Variants in FHIP1A observed in about 807,000 individuals in gnomAD.
The protein encoded by FHIP1A is FHF complex subunit HOOK-interacting protein 1A.
FHIP1A carries 61 observed loss-of-function variants against 88.6 expected under a neutral mutation model. That is an observed-to-expected ratio of 0.69 (90% CI 0.56 to 0.85). The LOEUF (loss-of-function observed/expected upper bound fraction) is 0.85. Ranked by LOEUF, FHIP1A falls within the 40% of genes least tolerant of loss-of-function variation. The probability of loss-of-function intolerance (pLI) is 0.00; values close to 1 mark genes in which losing one functional copy is unlikely to be tolerated. For missense variants in FHIP1A, 1,154 were observed against 1,273.5 expected (o/e 0.91, Z 1.43); for synonymous variants, 478 against 496.0 (o/e 0.96, Z 0.48).
At chr4:151,438,532 CAA>C (rs1436606787) in intron 1 of FHIP1A, among the ~76,000 whole-genome samples, 1 of 147,202 alleles carries the variant, frequency 6.8e-6, no homozygotes, top group Non-Finnish European at 1.5e-5. Context: ...CAAAACAAAA[CAA>C]AAAAATCTAC....
At chr4:151,637,593 G>T (rs1171403414) in intron 8 of FHIP1A, among the ~76,000 whole-genome samples, 1 of 152,164 alleles carries the variant, frequency 6.6e-6, no homozygotes, top group Non-Finnish European at 1.5e-5. Flanking sequence ...AACTGAGCTG[G>T]GGAAAGGAAG....
intron 13 of FHIP1A, among the ~76,000 whole-genome samples, chr4:151,660,795 A>G (rs1244336872): frequency 1.3e-5 from 2 of 152,218 alleles, no homozygotes; most frequent in South Asian, 2.1e-4. Flanking sequence ...TTCATTGTGA[A>G]GTTGGTGGCA....
intron 1 of FHIP1A, among the ~76,000 whole-genome samples, chr4:151,440,436 C>G (rs918047992): frequency 2.0e-5 from 3 of 152,254 alleles, no homozygotes; most frequent in Non-Finnish European, 4.4e-5. Context: ...TTTCAATTGT[C>G]TACTGGACAA....
At chr4:151,660,385 C>A (rs1164442316) in intron 13 of FHIP1A, among the ~76,000 whole-genome samples, 1 of 152,008 alleles carries the variant, frequency 6.6e-6, no homozygotes, top group Non-Finnish European at 1.5e-5. Flanking sequence ...TCACAAAACC[C>A]CTTTTTAGGG....
chr4:151,591,396 A>G (rs904692761), intron 7 of FHIP1A, among the ~76,000 whole-genome samples: 3 of 151,780 alleles, frequency 2.0e-5, no homozygotes, highest in Non-Finnish European at 4.4e-5. Flanking sequence ...TGTGTTTCCT[A>G]TACTCCATGT....
chr4:151,553,648 CG>C (rs1174851538), intron 3 of FHIP1A, among the ~76,000 whole-genome samples: 1 of 152,120 alleles, frequency 6.6e-6, no homozygotes, highest in Non-Finnish European at 1.5e-5. Flanking sequence ...GGCTGAAATG[CG>C]AAGTTTCTAG....
At chr4:151,620,629 ATCTACAGG>A (rs1735703952) in intron 7 of FHIP1A, among the ~76,000 whole-genome samples, 1 of 152,190 alleles carries the variant, frequency 6.6e-6, no homozygotes, top group Non-Finnish European at 1.5e-5. Context: ...GGCTGAGTAG[ATCTACAGG>A]TCCTACAGAG....
At chr4:151,505,099 A>G (rs115596884) in intron 3 of FHIP1A, among the ~76,000 whole-genome samples, 59 of 152,264 alleles carry the variant, frequency 3.9e-4, no homozygotes, top group African/African-American at 1.4e-3. Flanking sequence ...GCTCCAGGCT[A>G]TCAATTGTCC....
intron 3 of FHIP1A, among the ~76,000 whole-genome samples, chr4:151,524,755 G>C (rs1447562303): frequency 6.6e-6 from 1 of 152,234 alleles, no homozygotes; most frequent in Non-Finnish European, 1.5e-5. Flanking sequence ...AGCTAAACAT[G>C]AGCAAATTAA....
chr4:151,539,652 T>A (rs929801627), intron 3 of FHIP1A, among the ~76,000 whole-genome samples: 14 of 151,872 alleles, frequency 9.2e-5, no homozygotes, highest in African/African-American at 3.4e-4. Context: ...CCATTCTCTC[T>A]GGAAAGTACA....
chr4:151,516,708 C>G (rs937665371), intron 3 of FHIP1A, among the ~76,000 whole-genome samples: 1 of 152,130 alleles, frequency 6.6e-6, no homozygotes, highest in East Asian at 1.9e-4. Context: ...AAAATGCTCA[C>G]CATTACTGGC....
At chr4:151,555,486 A>G (rs1236451893) in intron 3 of FHIP1A, among the ~76,000 whole-genome samples, 4 of 152,164 alleles carry the variant, frequency 2.6e-5, no homozygotes, top group Non-Finnish European at 5.9e-5. Flanking sequence ...AAACAAGAGT[A>G]TCTGATTTCA....
chr4:151,540,769 CT>C (rs1488571169), intron 3 of FHIP1A, among the ~76,000 whole-genome samples: 1 of 152,136 alleles, frequency 6.6e-6, no homozygotes, highest in Admixed American at 6.5e-5. Context: ...GTGTTTTGCT[CT>C]CCTGAGTCAG....
rs1410245719 is a variant in FHIP1A, at chr4:151,662,492, T to C, written c.2870-9T>C. 6.6e-7 allele frequency: 1 copy of C among 1,514,060 alleles called. No individual in the cohort carries two copies. The allele number at this position is 1,514,060 out of a possible 1,614,324, so 93.8% of individuals were successfully genotyped here. A position where few individuals can be genotyped will look rare whatever the true frequency, so the allele number is the denominator to read the frequency against. The stretch of plus-strand genomic sequence containing the variant: ...AGGGACACCATGATGGTTTTCTTTC[T>C]GCTTTCAGATCCCATTCAGGAGGCT... On this transcript the variant is annotated splice_polypyrimidine_tract_variant and intron_variant, in intron 13 of 13. Coordinates refer to ENST00000435205, the MANE Select transcript of FHIP1A (RefSeq NM_001109977.3).
intron 5 of FHIP1A, among the ~76,000 whole-genome samples, chr4:151,578,988 C>T (rs567508254): frequency 6.6e-6 from 1 of 152,182 alleles, no homozygotes; most frequent in East Asian, 1.9e-4. Flanking sequence ...GTGAAAGAAG[C>T]CAATCTGAAA....
chr4:151,651,445 A>C (rs1737027197), intron 11 of FHIP1A, among the ~76,000 whole-genome samples: 1 of 152,236 alleles, frequency 6.6e-6, no homozygotes, highest in Non-Finnish European at 1.5e-5. Context: ...GTGTTCAGGT[A>C]GCAAGGAGAG....
chr4:151,585,823 C>T (rs1186626364), intron 5 of FHIP1A, among the ~76,000 whole-genome samples: 5 of 152,184 alleles, frequency 3.3e-5, no homozygotes, highest in Non-Finnish European at 7.3e-5. Context: ...AGGGAGGAAG[C>T]AAGCCCTAAG....
At chr4:151,410,056 C>T (rs1327961717) in intron 1 of FHIP1A, among the ~76,000 whole-genome samples, 1 of 152,176 alleles carries the variant, frequency 6.6e-6, no homozygotes, top group Non-Finnish European at 1.5e-5. Context: ...ACAAAGGTCC[C>T]TTGTTAACTC....
intron 7 of FHIP1A, among the ~76,000 whole-genome samples, chr4:151,622,102 A>T (rs1331352328): frequency 1.3e-5 from 2 of 152,174 alleles, no homozygotes; most frequent in Non-Finnish European, 2.9e-5. Flanking sequence ...GGTCAGTTGT[A>T]GTCATTTCTG....
Sources: gnomAD v4.1 joint callset for allele counts (sites outside exome capture counted in the v4.1 genomes callset) on GRCh38, gnomAD v4.1.1 for gene constraint, MANE v1.5 for transcripts, NCBI Gene and HGNC (gene_info 2026-07-23, HGNC 2026-07-21) for gene names.